IGF2BP1: variants seen among roughly 807,000 people sequenced by gnomAD.
The protein encoded by IGF2BP1 is insulin like growth factor 2 mRNA binding protein 1, also known as insulin-like growth factor 2 mRNA-binding protein 1.
IGF2BP1 carries 11 observed loss-of-function variants against 74.9 expected under a neutral mutation model. That is an observed-to-expected ratio of 0.15 (90% CI 0.09 to 0.24). The LOEUF is 0.24. IGF2BP1 is among the 10% of genes least tolerant of loss of function. IGF2BP1 has a pLI of 1.00. For missense variants in IGF2BP1, 440 were observed against 757.4 expected, an observed-to-expected ratio of 0.58 and a Z score of 4.92; for synonymous variants, 287 against 281.8, an observed-to-expected ratio of 1.02 and a Z score of -0.18.
chr17:49,004,359 G>T (rs966983693), intron 2 of IGF2BP1, among the ~76,000 whole-genome samples: 1 of 152,168 alleles, frequency 6.6e-6, no homozygotes, highest in African/African-American at 2.4e-5. Flanking sequence ...TGCCTCAGGA[G>T]CTCTCCATTC....
intron 2 of IGF2BP1, among the ~76,000 whole-genome samples, chr17:49,003,609 T>G (rs2041510135): frequency 6.6e-6 from 1 of 152,088 alleles, no homozygotes; most frequent in African/African-American, 2.4e-5. Flanking sequence ...ATAAGTGTGG[T>G]TCGTTCCCTA....
At chr17:49,038,585 C>T (rs2042014272) in intron 6 of IGF2BP1, 136 bp downstream of exon 6, 1 of 912,048 alleles carries the variant, frequency 1.1e-6, no homozygotes. Context: ...TTCAGGGGTC[C>T]CTGCTTCCAA....
At chr17:49,005,648 C>T (rs2143935398) in intron 2 of IGF2BP1, among the ~76,000 whole-genome samples, 1 of 152,268 alleles carries the variant, frequency 6.6e-6, no homozygotes, top group African/African-American at 2.4e-5. Flanking sequence ...CTTTCCCTTT[C>T]TACCATGTCT....
rs1171969563 is a variant in IGF2BP1 at position 49,050,441 on chromosome 17, C to T, written c.*997C>T. Reference sequence around the variant, plus strand: ...GGTTCCATGGAGGACTTGAGTGGCCCCAAAGGCTGCCACGGTGCCCTCACC... The same window carrying T: ...GGTTCCATGGAGGACTTGAGTGGCCTCAAAGGCTGCCACGGTGCCCTCACC... On this transcript the variant is annotated 3_prime_UTR_variant, in exon 15 of 15. Coordinates refer to ENST00000290341, the MANE Select transcript of IGF2BP1 (RefSeq NM_006546.4). 1 of 152,198 alleles carries T rather than the reference C, an allele frequency of 6.6e-6. No individual in the cohort carries two copies. The highest frequency in any genetic ancestry group is 1.5e-5 in the Non-Finnish European group (1 of 68,038). 9.4% of individuals were successfully genotyped at this position (152,198 alleles called of 1,614,324 possible).
intron 2 of IGF2BP1, among the ~76,000 whole-genome samples, chr17:49,014,396 C>G (rs376072928): frequency 5.9e-5 from 9 of 151,770 alleles, no homozygotes; most frequent in African/African-American, 1.9e-4. Flanking sequence ...GGGCCGTGTT[C>G]ACCGCCTAGG....
At chr17:49,031,767 G>A in intron 4 of IGF2BP1, 143 bp from the exon 5 acceptor site, 2 of 741,918 alleles carry the variant, frequency 2.7e-6, no homozygotes, top group Non-Finnish European at 2.3e-6. Flanking sequence ...CTCCCAAGAT[G>A]CTAGGATTTG....
chr17:49,021,147 GA>G (rs796554627), intron 2 of IGF2BP1, among the ~76,000 whole-genome samples: 167 of 138,856 alleles, frequency 1.2e-3, no homozygotes, highest in Middle Eastern at 3.6e-3. Context: ...TGTCTCAAAG[GA>G]AAAAAAAAAA....
chr17:49,039,881 G>A (rs2042030911), intron 6 of IGF2BP1, 76 bp from the exon 7 acceptor site: 3 of 1,502,164 alleles, frequency 2.0e-6, no homozygotes, highest in Non-Finnish European at 1.8e-6. Flanking sequence ...TGACTGAGGA[G>A]GGGTAGTGGG....
rs1357758195 is a variant in IGF2BP1 at position 49,030,342 on chromosome 17, G to A, written c.338-1568G>A. Among the ~76,000 whole-genome samples the A allele has an allele frequency of 2.6e-5, 4 of 151,832 alleles. No individual in the cohort carries two copies. The South Asian group carries it at 6.2e-4, about 24-fold the overall frequency. On this transcript the variant is annotated intron_variant, in intron 4 of 14. Coordinates refer to ENST00000290341, the MANE Select transcript of IGF2BP1 (RefSeq NM_006546.4). ...TTTTCAGTGGAGACTGGGTTTTGCC[G>A]TGTTGGCCAGGCTGGTCTTGAACTC...
intron 2 of IGF2BP1, chr17:49,013,443 C>A (rs2041646968): frequency 1.3e-5 from 2 of 152,518 alleles, no homozygotes; most frequent in Non-Finnish European, 1.5e-5. Flanking sequence ...CCTCCCGCGG[C>A]CCAGCCAAGG....
intron 2 of IGF2BP1, among the ~76,000 whole-genome samples, chr17:49,023,920 CTTT>C (rs34560426): frequency 7.2e-6 from 1 of 138,414 alleles, no homozygotes. Context: ...GGAAAACTAC[CTTT>C]TTTTTTTTTT....
At chr17:49,022,906 C>G (rs750234478) in intron 2 of IGF2BP1, among the ~76,000 whole-genome samples, 4 of 152,244 alleles carry the variant, frequency 2.6e-5, no homozygotes, top group Non-Finnish European at 4.4e-5. Context: ...AAGCCACCCC[C>G]ACCTCTCTGC....
intron 2 of IGF2BP1, among the ~76,000 whole-genome samples, chr17:49,003,912 A>T (rs1231355845): frequency 1.3e-5 from 2 of 152,072 alleles, no homozygotes; most frequent in Non-Finnish European, 2.9e-5. Context: ...TGGTAGACTC[A>T]GCTCAGGGCA....
chr17:49,043,665 G>T, intron 10 of IGF2BP1, 115 bp downstream of exon 10: 1 of 1,263,260 alleles, frequency 7.9e-7, no homozygotes. Context: ...GAGAGGGAAG[G>T]AAGGTCTCAG....
chr17:49,011,882 C>T (rs2041623715), intron 2 of IGF2BP1, among the ~76,000 whole-genome samples: 1 of 148,028 alleles, frequency 6.8e-6, no homozygotes, highest in Non-Finnish European at 1.5e-5. Context: ...TTCAGATTAT[C>T]TTGAGTGGTT....
chr17:49,023,990 C>T (rs2041821874), intron 2 of IGF2BP1, among the ~76,000 whole-genome samples: 1 of 150,266 alleles, frequency 6.7e-6, no homozygotes, highest in African/African-American at 2.5e-5. Flanking sequence ...GATTTCGGCT[C>T]ACTGCAACCT....
chr17:49,003,882 G>A (rs561830533), intron 2 of IGF2BP1, among the ~76,000 whole-genome samples: 11 of 151,950 alleles, frequency 7.2e-5, no homozygotes, highest in Non-Finnish European at 1.3e-4. Flanking sequence ...GTTACCCACG[G>A]GAGAGGGGTC....
intron 2 of IGF2BP1, among the ~76,000 whole-genome samples, chr17:49,006,517 C>T (rs1007239455): frequency 6.6e-6 from 1 of 152,220 alleles, no homozygotes; most frequent in African/African-American, 2.4e-5. Context: ...TGACTTCTGT[C>T]CCTCCTGCCC....
rs1257897648 is a variant in IGF2BP1 at position 49,014,816 on chromosome 17, C to T, written c.237-10802C>T. On this transcript the variant is annotated intron_variant, in intron 2 of 14. Coordinates refer to ENST00000290341, the MANE Select transcript of IGF2BP1 (RefSeq NM_006546.4). ...CCCCGAGGAGCACGGGGATGTCTGC[C>T]GGGTCCTTCTCATGGTGCGGTGGGA... 1.9e-5 allele frequency: 19 copies of T among 985,360 alleles called. No homozygotes were observed. The Admixed American group carries it at 4.3e-4, about 22-fold the overall frequency. The allele number at this position is 985,360 out of a possible 1,614,324, so 61.0% of individuals were successfully genotyped here.
Sources: gnomAD v4.1 joint callset for allele counts (sites outside exome capture counted in the v4.1 genomes callset) on GRCh38, gnomAD v4.1.1 for gene constraint, MANE v1.5 for transcripts, NCBI Gene and HGNC (gene_info 2026-07-23, HGNC 2026-07-21) for gene names.